The following FBN1 variants were observed in gnomAD, a reference collection of about 807,000 sequenced individuals.
FBN1 encodes fibrillin 1.
Under a neutral mutation model 365.1 loss-of-function variants are expected in FBN1, and 29 were observed. The ratio of observed to expected loss-of-function variants is 0.08; its 90% CI spans 0.06 to 0.11. The LOEUF (loss-of-function observed/expected upper bound fraction) is 0.11, where lower values mean the gene tolerates loss of function less well. Among genes scored for constraint, FBN1 ranks in the 10% least tolerant of loss-of-function variants. The probability of loss-of-function intolerance (pLI) is 1.00; values close to 1 mark genes in which losing one functional copy is unlikely to be tolerated. For synonymous variants in FBN1, 1,210 were observed against 1,270.5 expected (o/e 0.95, Z 1.01); for missense variants, 2,476 against 3,703.2 (o/e 0.67, Z 8.60).
rs2141303822 is a variant in FBN1 at position 48,495,246 on chromosome 15, T to C, written c.2554A>G (p.Thr852Ala). 6.2e-7 allele frequency: 1 copy of C among 1,614,142 alleles called. No homozygotes were observed. Among genetic ancestry groups the C allele is most frequent in the Non-Finnish European group, 8.5e-7 (1 of 1,180,032 alleles). Residue 852 changes from threonine (T) to alanine (A), a missense_variant, in exon 22 of 66, where the codon ACT (threonine) becomes GCT (alanine). This residue lies in a region of FBN1 where 1,780 missense variants were observed against 2,840.8 expected (regional missense o/e 0.63). Transcript: ENST00000316623. ...KTICIETIKG[T>A]CWQTVIDGRC... The stretch of plus-strand genomic sequence containing the variant: ...CCATCAATGACAGTCTGCCAGCAAG[T>C]GCCCTTGATGGTTTCTGCAGAGGAG...
intron 2 of FBN1, among the ~76,000 whole-genome samples, chr15:48,633,463 G>A (rs1438229298): frequency 6.6e-6 from 1 of 152,150 alleles, no homozygotes; most frequent in Non-Finnish European, 1.5e-5. Flanking sequence ...GTGTGTGGTG[G>A]AGGGTTGCGG....
At chr15:48,451,980 AT>A (rs1214841858) in intron 45 of FBN1, among the ~76,000 whole-genome samples, 1 of 152,248 alleles carries the variant, frequency 6.6e-6, no homozygotes. Flanking sequence ...TCTAGGGGTC[AT>A]GGGAATAAAT....
At chr15:48,525,042 C>T (rs891021359) in intron 9 of FBN1, among the ~76,000 whole-genome samples, 4 of 151,934 alleles carry the variant, frequency 2.6e-5, no homozygotes, top group African/African-American at 9.7e-5. Flanking sequence ...GAACACTGCA[C>T]TTTTAAAGAA....
intron 8 of FBN1, among the ~76,000 whole-genome samples, chr15:48,528,343 T>C (rs936324804): frequency 7.2e-5 from 11 of 152,162 alleles, no homozygotes; most frequent in African/African-American, 2.7e-4. Context: ...TTATTGAAGA[T>C]AACAATAACA....
intron 49 of FBN1, among the ~76,000 whole-genome samples, chr15:48,443,024 C>T (rs2043128590): frequency 6.6e-6 from 1 of 152,122 alleles, no homozygotes. Context: ...AGAAATTAAC[C>T]TTATTATCTT....
intron 21 of FBN1, 32 bp downstream of exon 21, chr15:48,495,437 C>T (rs1225437654): frequency 1.9e-6 from 3 of 1,611,178 alleles, no homozygotes; most frequent in Non-Finnish European, 1.7e-6. Context: ...CATTGATAAA[C>T]ATAGAAAAAT....
intron 24 of FBN1, among the ~76,000 whole-genome samples, chr15:48,491,773 G>C (rs2043560796): frequency 6.6e-6 from 1 of 152,220 alleles, no homozygotes; most frequent in Non-Finnish European, 1.5e-5. Context: ...AGTGATCCAA[G>C]GGATATACTC....
chr15:48,440,089 T>C (rs958007147), intron 50 of FBN1, among the ~76,000 whole-genome samples: 1 of 152,216 alleles, frequency 6.6e-6, no homozygotes, highest in African/African-American at 2.4e-5. Context: ...TCTCTAGAAT[T>C]GGCTTATTAA....
intron 2 of FBN1, among the ~76,000 whole-genome samples, chr15:48,629,495 T>C (rs150907953): frequency 7.7e-4 from 118 of 152,348 alleles, no homozygotes; most frequent in African/African-American, 2.7e-3. Context: ...ATTTTAAATA[T>C]TCACTGAATA....
At chr15:48,583,984 C>G (rs1373954911) in intron 6 of FBN1, among the ~76,000 whole-genome samples, 1 of 152,094 alleles carries the variant, frequency 6.6e-6, no homozygotes, top group East Asian at 1.9e-4. Context: ...AATAACAAAA[C>G]TTCTAAGTGG....
chr15:48,456,832 GA>G, intron 43 of FBN1, 70 bp from the exon 44 acceptor site: 1 of 1,492,512 alleles, frequency 6.7e-7, no homozygotes, highest in Non-Finnish European at 9.2e-7. Context: ...AGACAAGATG[GA>G]AAGTGCGTGC....
At chr15:48,433,397 A>G (rs892237249) in intron 54 of FBN1, among the ~76,000 whole-genome samples, 1 of 152,264 alleles carries the variant, frequency 6.6e-6, no homozygotes, top group Admixed American at 6.5e-5. Flanking sequence ...CCGCCAAAAC[A>G]ATTGTGGTCA....
At chr15:48,602,670 C>A (rs988686757) in intron 4 of FBN1, among the ~76,000 whole-genome samples, 5 of 151,980 alleles carry the variant, frequency 3.3e-5, no homozygotes, top group Non-Finnish European at 5.9e-5. Context: ...ATCAAGCAAC[C>A]CCGGAAACTG....
At chr15:48,435,474 C>T (rs563573575) in intron 53 of FBN1, among the ~76,000 whole-genome samples, 12 of 151,760 alleles carry the variant, frequency 7.9e-5, no homozygotes, top group African/African-American at 1.5e-4. Context: ...ACTAAACTTA[C>T]GTAAAATAAA....
chr15:48,486,058 A>G (rs2043503978), intron 29 of FBN1, among the ~76,000 whole-genome samples: 1 of 152,232 alleles, frequency 6.6e-6, no homozygotes, highest in South Asian at 2.1e-4. Context: ...TTTGACTTCA[A>G]AATGATTACA....
At chr15:48,537,330 C>T (rs1344567271) in intron 7 of FBN1, among the ~76,000 whole-genome samples, 2 of 152,162 alleles carry the variant, frequency 1.3e-5, no homozygotes, top group Non-Finnish European at 2.9e-5. Flanking sequence ...TAATGCACTG[C>T]ATCGCTGTAA....
At chr15:48,541,826 T>G (rs2044060243) in intron 6 of FBN1, among the ~76,000 whole-genome samples, 1 of 151,756 alleles carries the variant, frequency 6.6e-6, no homozygotes, top group Non-Finnish European at 1.5e-5. Context: ...TCAGTGTAAA[T>G]CATTATTCCT....
intron 4 of FBN1, among the ~76,000 whole-genome samples, chr15:48,604,769 G>C (rs2044593587): frequency 6.6e-6 from 1 of 152,160 alleles, no homozygotes; most frequent in South Asian, 2.1e-4. Context: ...ACTTCTTCCA[G>C]ACTGGCTAAA....
chr15:48,437,728 C>A, intron 51 of FBN1, 40 bp downstream of exon 51: 1 of 1,609,870 alleles, frequency 6.2e-7, no homozygotes, highest in Non-Finnish European at 8.5e-7. Context: ...CCAGTCTGCA[C>A]CCTGCATGGC....
Sources: gnomAD v4.1 joint callset for allele counts (sites outside exome capture counted in the v4.1 genomes callset) on GRCh38, gnomAD v4.1.1 for gene constraint, gnomAD v4.1.1 regional missense constraint, MANE v1.5 for transcripts, NCBI Gene and HGNC (gene_info 2026-07-23, HGNC 2026-07-21) for gene names.